The following PBRM1 variants were observed in gnomAD, a reference collection of about 807,000 sequenced individuals.
The protein encoded by PBRM1 is polybromo 1, also known as protein polybromo-1.
In PBRM1, 27 loss-of-function variants were observed where a neutral mutation model predicts 194.5. The observed-to-expected ratio is 0.14, with a 90% confidence interval of 0.10 to 0.19. The LOEUF (loss-of-function observed/expected upper bound fraction) is 0.19. Among genes scored for constraint, PBRM1 ranks in the 10% least tolerant of loss-of-function variants. PBRM1 has a pLI of 1.00. For missense variants in PBRM1, 1,466 were observed against 2,077.2 expected, an observed-to-expected ratio of 0.71 and a Z score of 5.72; for synonymous variants, 655 against 693.2, an observed-to-expected ratio of 0.94 and a Z score of 0.87.
At chr3:52,636,753 T>C (rs1180490484) in intron 10 of PBRM1, among the ~76,000 whole-genome samples, 2 of 39,758 alleles carry the variant, frequency 5.0e-5, no homozygotes, top group African/African-American at 2.0e-4. Context: ...TGAAACTCTG[T>C]CTCCAAAAAA....
intron 2 of PBRM1, among the ~76,000 whole-genome samples, chr3:52,674,479 CAAAAAAAA>C (rs34865590): frequency 1.6e-5 from 1 of 61,344 alleles, no homozygotes; most frequent in Non-Finnish European, 3.5e-5. Context: ...AACTCCATCT[CAAAAAAAA>C]AAAAAAAAAA....
intron 20 of PBRM1, among the ~76,000 whole-genome samples, chr3:52,582,104 T>C (rs961368094): frequency 5.4e-5 from 8 of 149,284 alleles, no homozygotes; most frequent in African/African-American, 1.2e-4. Flanking sequence ...TAGCCGGGCA[T>C]GGTGGCACAC....
intron 13 of PBRM1, among the ~76,000 whole-genome samples, chr3:52,624,480 G>A (rs2095380023): frequency 6.6e-6 from 1 of 152,212 alleles, no homozygotes; most frequent in African/African-American, 2.4e-5. Flanking sequence ...CAATGCATAG[G>A]TGTCCACATG....
intron 4 of PBRM1, among the ~76,000 whole-genome samples, 158 bp from the exon 6 acceptor site, chr3:52,658,473 C>T (rs1306250829): frequency 6.6e-6 from 1 of 151,060 alleles, no homozygotes; most frequent in East Asian, 1.9e-4. Flanking sequence ...CAGCTCACTG[C>T]AACCTCCACC....
intron 6 of PBRM1, among the ~76,000 whole-genome samples, chr3:52,650,110 CTA>C (rs371654417): frequency 1.4e-3 from 211 of 152,140 alleles, no homozygotes; most frequent in African/African-American, 4.7e-3. Context: ...CCTATAATCT[CTA>C]TGCACTTTGG....
intron 4 of PBRM1, among the ~76,000 whole-genome samples, chr3:52,658,877 G>C (rs1372409874): frequency 1.3e-5 from 2 of 152,164 alleles, no homozygotes; most frequent in East Asian, 3.8e-4. Context: ...TTTTTCTACA[G>C]TAAATATTGC....
At chr3:52,636,776 A>T (rs2095835261) in intron 10 of PBRM1, among the ~76,000 whole-genome samples, 1 of 148,720 alleles carries the variant, frequency 6.7e-6, no homozygotes, top group South Asian at 2.1e-4. Flanking sequence ...AAAAAAAAAA[A>T]AAAAAAAAAA....
In PBRM1 at chr3:52,634,596, T is replaced by C. The variant is rs1560573868; in HGVS notation, c.1301+6A>G. The stretch of plus-strand genomic sequence containing the variant: ...ATTATACTGAATAATGTAGAAGACA[T>C]CTTACCGGATCTGTTGTAGTGATAT... On this transcript the variant is annotated splice_donor_region_variant and intron_variant, in intron 11 of 29. Transcript: ENST00000296302. The C allele has an allele frequency of 1.9e-6, 3 of 1,544,104 alleles. No individual in the cohort carries two copies. The highest frequency in any genetic ancestry group is 1.4e-5 in the African/African-American group (1 of 72,884).
exon 15 of PBRM1, chr3:52,615,388 A>T (rs371606615): frequency 3.7e-6 from 6 of 1,612,352 alleles, no homozygotes. Context: ...CATCATCATC[A>T]GGCAGTGGGC....
At chr3:52,634,634 T>G in exon 11 of PBRM1, 1 of 1,612,480 alleles carries the variant, frequency 6.2e-7, no homozygotes, top group Non-Finnish European at 8.5e-7. Context: ...GCATTTTAAT[T>G]TGCTGGTAAT....
At chr3:52,553,811 G>C (rs1240533802) in intron 27 of PBRM1, among the ~76,000 whole-genome samples, 1 of 151,892 alleles carries the variant, frequency 6.6e-6, no homozygotes, top group Non-Finnish European at 1.5e-5. Flanking sequence ...ACAGGTGCCC[G>C]CCACCACGCC....
chr3:52,669,057 ATTCT>A (rs2096897286), intron 2 of PBRM1, among the ~76,000 whole-genome samples: 1 of 152,206 alleles, frequency 6.6e-6, no homozygotes, highest in African/African-American at 2.4e-5. Context: ...TACAAAACAG[ATTCT>A]TTCTTCAGTA....
exon 26 of PBRM1, chr3:52,558,351 T>G: frequency 6.5e-7 from 1 of 1,550,356 alleles, no homozygotes; most frequent in Non-Finnish European, 8.7e-7. Context: ...GGAGAAGCAC[T>G]CGGCTGCTGT....
exon 27 of PBRM1, chr3:52,554,743 G>A: frequency 1.3e-6 from 2 of 1,559,364 alleles, no homozygotes; most frequent in South Asian, 1.2e-5. Context: ...GGATGCCCGG[G>A]AGGCCAGGCA....
chr3:52,546,372 C>CT (rs2079679531), downstream of PBRM1: 2 of 230,302 alleles, frequency 8.7e-6, no homozygotes, highest in Non-Finnish European at 1.7e-5. Flanking sequence ...TGACACACTA[C>CT]TGCAATACAT....
intron 11 of PBRM1, among the ~76,000 whole-genome samples, chr3:52,630,903 CTATT>C (rs1221151842): frequency 3.9e-5 from 6 of 152,008 alleles, no homozygotes; most frequent in African/African-American, 1.5e-4. Flanking sequence ...CTGTAATAGA[CTATT>C]TAAATAATTT....
intron 16 of PBRM1, among the ~76,000 whole-genome samples, chr3:52,607,415 G>A (rs1314537543): frequency 6.6e-6 from 1 of 151,864 alleles, no homozygotes; most frequent in African/African-American, 2.4e-5. Flanking sequence ...GGCCTCAAAA[G>A]CAAAAAACAA....
chr3:52,595,791 T>G (rs2093482097), intron 17 of PBRM1, among the ~76,000 whole-genome samples: 1 of 152,232 alleles, frequency 6.6e-6, no homozygotes, highest in Admixed American at 6.5e-5. Flanking sequence ...GTATTAGATT[T>G]AAGTCTTTAA....
At chr3:52,685,755 G>A (rs2097304330) in exon 1 of PBRM1, 1 of 186,632 alleles carries the variant, frequency 5.4e-6, no homozygotes, top group Non-Finnish European at 1.1e-5. Flanking sequence ...TTACCCAGCC[G>A]CTCCGCCGCC....
Sources: allele counts gnomAD v4.1 joint callset (sites outside exome capture counted in the v4.1 genomes callset), GRCh38; gene constraint gnomAD v4.1.1; transcripts MANE v1.5; gene names NCBI Gene and HGNC (gene_info 2026-07-23, HGNC 2026-07-21).